The following FSTL4 variants were observed in gnomAD, a reference collection of about 807,000 sequenced individuals.
FSTL4 encodes the protein follistatin-related protein 4.
FSTL4 carries 28 observed loss-of-function variants against 78.2 expected under a neutral mutation model. The observed-to-expected ratio is 0.36, with a 90% CI of 0.27 to 0.49. The LOEUF (loss-of-function observed/expected upper bound fraction) is 0.49, where lower values mean the gene tolerates loss of function less well. FSTL4 is among the 20% of genes least tolerant of loss of function. The probability of loss-of-function intolerance (pLI) is 0.98; values close to 1 mark genes in which losing one functional copy is unlikely to be tolerated. For synonymous variants in FSTL4, 422 were observed against 440.5 expected, an observed-to-expected ratio of 0.96 and a Z score of 0.53; for missense variants, 922 against 1,084.9, an observed-to-expected ratio of 0.85 and a Z score of 2.11.
At chr5:133,678,753 C>G in the FSTL4 span, among the ~76,000 whole-genome samples, 2 of 152,032 alleles carry the variant, frequency 1.3e-5, no homozygotes, top group African/African-American at 4.8e-5. Flanking sequence ...TATTTAAACC[C>G]CTGAGACTAG....
chr5:133,221,901 T>TG (rs1199798892), intron 11 of FSTL4, among the ~76,000 whole-genome samples: 2 of 99,176 alleles, frequency 2.0e-5, no homozygotes, highest in Admixed American at 8.9e-5. Flanking sequence ...GTTTTTTTTT[T>TG]TTTTTTTTTT....
intron 6 of FSTL4, among the ~76,000 whole-genome samples, chr5:133,259,529 T>C (rs1752465888): frequency 6.6e-6 from 1 of 150,560 alleles, no homozygotes. Context: ...TTTTTTTTTT[T>C]TTTTTTTGAG....
intron 3 of FSTL4, among the ~76,000 whole-genome samples, chr5:133,403,499 C>G (rs1247317720): frequency 6.6e-6 from 1 of 152,208 alleles, no homozygotes; most frequent in African/African-American, 2.4e-5. Context: ...CCCCAGTATA[C>G]TCAGGTTTTA....
the FSTL4 span, among the ~76,000 whole-genome samples, chr5:133,624,368 C>T: frequency 2.6e-5 from 4 of 151,936 alleles, no homozygotes; most frequent in East Asian, 7.7e-4. Context: ...TTATATAATT[C>T]TTTTAATATG....
chr5:133,321,343 T>C (rs1419200232), intron 4 of FSTL4, among the ~76,000 whole-genome samples: 1 of 152,252 alleles, frequency 6.6e-6, no homozygotes, highest in Non-Finnish European at 1.5e-5. Context: ...CTCCGTGCCC[T>C]GACACTGTGT....
At chr5:133,545,318 C>T (rs539623416) in intron 3 of FSTL4, among the ~76,000 whole-genome samples, 14 of 152,280 alleles carry the variant, frequency 9.2e-5, no homozygotes, top group East Asian at 3.9e-4. Flanking sequence ...ATGCCACTCT[C>T]GCAGGACTGG....
rs1223710928 is a variant in FSTL4 at position 133,249,470 on chromosome 5, T to C, written c.834A>G (p.Pro278=). The C allele has an allele frequency of 6.2e-7, 1 of 1,613,756 alleles. No individual in the cohort carries two copies. Among genetic ancestry groups the C allele is most frequent in the South Asian group, 1.1e-5 (1 of 91,072 alleles). ...LTCAVHGDLR[P]PIIWKRNGLT... is the part of the protein sequence containing the mutation. The stretch of plus-strand genomic sequence containing the variant: ...GCCCGTTGCGCTTCCAGATGATTGG[T>C]GGCCTCAGGTCTCCATGGACGGCGC... Residue 278 remains proline, a synonymous_variant, in exon 7 of 16, where the codon CCA becomes CCG. Transcript: ENST00000265342.
chr5:133,594,937 G>T (rs1238209306), intron 2 of FSTL4, among the ~76,000 whole-genome samples: 1 of 152,206 alleles, frequency 6.6e-6, no homozygotes, highest in Non-Finnish European at 1.5e-5. Flanking sequence ...CATTTTAAAA[G>T]AGTAGTTCTG....
intron 13 of FSTL4, 131 bp downstream of exon 13, chr5:133,217,098 C>G (rs1416002980): frequency 3.0e-6 from 2 of 672,194 alleles, no homozygotes; most frequent in Non-Finnish European, 5.2e-6. Context: ...CGAATAATTA[C>G]ACATGAATCT....
chr5:133,433,102 G>C (rs1421980592), intron 3 of FSTL4, among the ~76,000 whole-genome samples: 1 of 152,220 alleles, frequency 6.6e-6, no homozygotes, highest in Non-Finnish European at 1.5e-5. Context: ...GGAGTTGCAA[G>C]GCAAAGAAAA....
chr5:133,462,650 A>G (rs1757616522), intron 3 of FSTL4, among the ~76,000 whole-genome samples: 1 of 152,134 alleles, frequency 6.6e-6, no homozygotes, highest in Admixed American at 6.5e-5. Flanking sequence ...GAGTGCTAAG[A>G]AGGATTCTGA....
At chr5:133,415,078 G>C (rs1290581881) in intron 3 of FSTL4, among the ~76,000 whole-genome samples, 1 of 152,208 alleles carries the variant, frequency 6.6e-6, no homozygotes, top group Non-Finnish European at 1.5e-5. Flanking sequence ...ACAAATACAA[G>C]GTCAGTGACT....
the FSTL4 span, among the ~76,000 whole-genome samples, chr5:133,669,738 G>A: frequency 6.6e-6 from 1 of 152,194 alleles, no homozygotes; most frequent in Non-Finnish European, 1.5e-5. Flanking sequence ...TAATTCTGAG[G>A]CTGCGAGTGC....
chr5:133,668,586 T>A, the FSTL4 span, among the ~76,000 whole-genome samples: 1 of 152,148 alleles, frequency 6.6e-6, no homozygotes, highest in African/African-American at 2.4e-5. Context: ...CAGGCCTGAG[T>A]GGCCAGCCTT....
chr5:133,320,776 G>T (rs1484447164), intron 4 of FSTL4, among the ~76,000 whole-genome samples: 3 of 152,156 alleles, frequency 2.0e-5, no homozygotes, highest in African/African-American at 7.2e-5. Context: ...GGGAGGCCGA[G>T]GCGGGCGGAT....
chr5:133,314,632 G>A (rs1198027739), intron 5 of FSTL4, among the ~76,000 whole-genome samples: 1 of 151,958 alleles, frequency 6.6e-6, no homozygotes, highest in East Asian at 1.9e-4. Flanking sequence ...AGGAGAGCAG[G>A]TGCATGCAAG....
At chr5:133,310,737 A>G (rs1266423092) in intron 6 of FSTL4, among the ~76,000 whole-genome samples, 1 of 152,214 alleles carries the variant, frequency 6.6e-6, no homozygotes, top group Non-Finnish European at 1.5e-5. Flanking sequence ...CTTTTCCTTC[A>G]TAACTCCTTT....
chr5:133,803,542 C>A, the FSTL4 span, among the ~76,000 whole-genome samples: 1 of 152,216 alleles, frequency 6.6e-6, no homozygotes, highest in East Asian at 1.9e-4. Context: ...GAGTCCCAGA[C>A]CGTCTCTCCT....
the FSTL4 span, among the ~76,000 whole-genome samples, chr5:133,738,587 A>G: frequency 6.6e-6 from 1 of 152,108 alleles, no homozygotes; most frequent in Non-Finnish European, 1.5e-5. Flanking sequence ...CTTCTGACCC[A>G]AAGAACTTCT....
Sources: gnomAD v4.1 joint callset for allele counts (sites outside exome capture counted in the v4.1 genomes callset) on GRCh38, gnomAD v4.1.1 for gene constraint, MANE v1.5 for transcripts, NCBI Gene and HGNC (gene_info 2026-07-23, HGNC 2026-07-21) for gene names.